TEX9: variants seen among roughly 807,000 people sequenced by gnomAD.
The protein encoded by TEX9 is testis expressed 9.
In TEX9, 74 loss-of-function variants were observed where a neutral mutation model predicts 59.6. The observed-to-expected ratio is 1.24, with a 90% CI of 1.03 to 1.51. The LOEUF is 1.51. Ranked by LOEUF, TEX9 falls within the 40% of genes most tolerant of loss-of-function variation. TEX9 has a pLI of 0.00. For synonymous variants in TEX9, 186 were observed against 152.2 expected (o/e 1.22, Z -1.64); for missense variants, 522 against 447.8 (o/e 1.17, Z -1.49).
At chr15:56,364,384 C>T (rs1273157682), upstream of TEX9, among the ~76,000 whole-genome samples, 1 of 151,680 alleles carries the variant, frequency 6.6e-6, no homozygotes, top group Non-Finnish European at 1.5e-5. Flanking sequence ...AACTCCCAAC[C>T]TCAGGTGATC....
chr15:56,361,215 G>C (rs1161019126), upstream of TEX9, among the ~76,000 whole-genome samples: 1 of 152,020 alleles, frequency 6.6e-6, no homozygotes, highest in Admixed American at 6.6e-5. Context: ...CAGTTCCATT[G>C]ATTTATGTTC....
intron 1 of TEX9, among the ~76,000 whole-genome samples, chr15:56,295,391 G>A (rs535532249): frequency 1.3e-5 from 2 of 152,180 alleles, no homozygotes; most frequent in Non-Finnish European, 2.9e-5. Flanking sequence ...CCTTATGGAG[G>A]TATCACTCTG....
chr15:56,328,037 C>A (rs2046061788), intron 1 of TEX9, among the ~76,000 whole-genome samples: 2 of 152,082 alleles, frequency 1.3e-5, no homozygotes, highest in South Asian at 4.2e-4. Context: ...GCCACCCCTC[C>A]CCCAACCCCA....
chr15:56,291,346 A>G lies in TEX9; in HGVS notation c.-107+47068A>G, dbSNP rs560975423. Among the ~76,000 whole-genome samples, 20 of 152,358 alleles carry G rather than the reference A, an allele frequency of 1.3e-4. No homozygotes were observed. In the South Asian group the frequency reaches 4.1e-3, roughly 32 times the overall value. ...CTTTGGATGGTTGAGAGGATCATTT[A>G]CACTACCTTGTGGAGACCTCTTACT... On this transcript the variant is annotated intron_variant, in intron 1 of 5. Coordinates refer to the TEX9 transcript ENST00000560827.
intron 1 of TEX9, among the ~76,000 whole-genome samples, chr15:56,351,975 A>G (rs567313505): frequency 2.0e-5 from 3 of 152,320 alleles, no homozygotes; most frequent in African/African-American, 7.2e-5. Context: ...TTTAGACACT[A>G]TTATCATCCC....
chr15:56,258,232 A>G (rs192892060), intron 1 of TEX9, among the ~76,000 whole-genome samples: 84 of 152,148 alleles, frequency 5.5e-4, no homozygotes, highest in Admixed American at 3.2e-3. Context: ...TGATGCCCCT[A>G]GCTTTGTTCT....
chr15:56,404,379 G>GA (rs1346608160), intron 9 of TEX9, among the ~76,000 whole-genome samples: 1 of 152,102 alleles, frequency 6.6e-6, no homozygotes, highest in Non-Finnish European at 1.5e-5. Flanking sequence ...AGACACATGA[G>GA]AAAATGCTCA....
chr15:56,348,085 T>C (rs1323374760), intron 1 of TEX9, among the ~76,000 whole-genome samples: 2 of 152,138 alleles, frequency 1.3e-5, no homozygotes, highest in Admixed American at 6.5e-5. Context: ...AGTATCCTAA[T>C]TGTGATATTG....
At chr15:56,338,642 C>A (rs1409083964) in intron 1 of TEX9, among the ~76,000 whole-genome samples, 1 of 152,140 alleles carries the variant, frequency 6.6e-6, no homozygotes. Context: ...GTTGGCTGGG[C>A]GCGGTAGCTC....
chr15:56,427,581 T>G, intron 10 of TEX9, 24 bp from the exon 11 acceptor site: 1 of 1,444,934 alleles, frequency 6.9e-7, no homozygotes, highest in African/African-American at 1.5e-5. Context: ...TAAAAATATA[T>G]GGCACTTTTT....
At chr15:56,454,095 T>C in the TEX9 span, among the ~76,000 whole-genome samples, 1 of 444 alleles carries the variant, frequency 2.3e-3, no homozygotes, top group Admixed American at 0.12. Flanking sequence ...AGAGGAGGCA[T>C]ACTCTGTGAA....
chr15:56,279,136 C>A (rs1328111247), intron 1 of TEX9, among the ~76,000 whole-genome samples: 3 of 152,032 alleles, frequency 2.0e-5, no homozygotes, highest in Non-Finnish European at 2.9e-5. Flanking sequence ...CATGTACTTG[C>A]CAGTGACAAG....
chr15:56,366,013 G>A, intron 2 of TEX9: 1 of 643,004 alleles, frequency 1.6e-6, no homozygotes. Context: ...AGGTTATTTC[G>A]CTTAATATCA....
intron 1 of TEX9, among the ~76,000 whole-genome samples, chr15:56,345,364 A>G (rs1374667469): frequency 2.0e-5 from 3 of 152,100 alleles, no homozygotes; most frequent in African/African-American, 7.2e-5. Context: ...AAAGGCAGGA[A>G]TTACTAATGG....
chr15:56,378,933 G>A (rs1403628696), intron 3 of TEX9, among the ~76,000 whole-genome samples: 3 of 151,876 alleles, frequency 2.0e-5, no homozygotes, highest in Non-Finnish European at 4.4e-5. Context: ...ATGTGGTGGT[G>A]CACGCCTGTA....
intron 6 of TEX9, among the ~76,000 whole-genome samples, chr15:56,390,346 G>A (rs150908295): frequency 6.6e-6 from 1 of 151,954 alleles, no homozygotes; most frequent in African/African-American, 2.4e-5. Flanking sequence ...AATAAAGAGT[G>A]TAATTAGATT....
intron 10 of TEX9, among the ~76,000 whole-genome samples, chr15:56,419,230 A>G (rs1336531665): frequency 1.3e-5 from 2 of 151,808 alleles, no homozygotes; most frequent in East Asian, 1.9e-4. Context: ...TTATGTTTGC[A>G]TATTGAGTCT....
At chr15:56,317,253 C>G (rs949146386) in intron 1 of TEX9, among the ~76,000 whole-genome samples, 1 of 152,224 alleles carries the variant, frequency 6.6e-6, no homozygotes, top group Non-Finnish European at 1.5e-5. Context: ...TCTTTATTCT[C>G]AAGTCAAATT....
intron 9 of TEX9, among the ~76,000 whole-genome samples, chr15:56,401,308 C>CAAAAAAAAAAAA (rs1207055803): frequency 3.0e-4 from 14 of 46,780 alleles, no homozygotes; most frequent in East Asian, 1.1e-3. Context: ...AAATTGAAAG[C>CAAAAAAAAAAAA]AAAAAAAAAA....
Sources: gnomAD v4.1 joint callset for allele counts (sites outside exome capture counted in the v4.1 genomes callset) on GRCh38, gnomAD v4.1.1 for gene constraint, MANE v1.5 for transcripts, NCBI Gene and HGNC (gene_info 2026-07-23, HGNC 2026-07-21) for gene names.